WLS: variants seen among roughly 807,000 people sequenced by gnomAD.
The protein encoded by WLS is protein wntless homolog.
WLS carries 23 observed loss-of-function variants against 62.8 expected under a neutral mutation model. That is an observed-to-expected ratio of 0.37 (90% confidence interval 0.26 to 0.52). The LOEUF (loss-of-function observed/expected upper bound fraction) is 0.52, where lower values mean the gene tolerates loss of function less well. Ranked by LOEUF, WLS falls within the 20% of genes least tolerant of loss-of-function variation. The pLI is 0.92. For synonymous variants in WLS, 246 were observed against 244.1 expected, an observed-to-expected ratio of 1.01 and a Z score of -0.07; for missense variants, 615 against 697.3, an observed-to-expected ratio of 0.88 and a Z score of 1.33.
At chr1:68,118,264 A>T (rs1646319532) in intron 11 of WLS, among the ~76,000 whole-genome samples, 1 of 152,246 alleles carries the variant, frequency 6.6e-6, no homozygotes, top group African/African-American at 2.4e-5. Flanking sequence ...ATATCAAGTC[A>T]TAGGAACATG....
chr1:68,167,674 T>C (rs1647080676), intron 2 of WLS, among the ~76,000 whole-genome samples: 1 of 152,156 alleles, frequency 6.6e-6, no homozygotes, highest in Admixed American at 6.5e-5. Flanking sequence ...TCCATGGTTT[T>C]CCATACCTAT....
Position 68,146,025 on chromosome 1 carries a change from A to C in WLS, c.1135-13T>G. The C allele has an allele frequency of 6.2e-7, 1 of 1,613,372 alleles. No homozygotes were observed. The highest frequency in any genetic ancestry group is 8.5e-7 in the Non-Finnish European group (1 of 1,179,530). Reference sequence around the variant, plus strand: ...TGATGAAGGCCATCTGGTCGTGTCCAGTAAAGGAAACAACGGGCTAGCCAA... The same window carrying C: ...TGATGAAGGCCATCTGGTCGTGTCCCGTAAAGGAAACAACGGGCTAGCCAA... On this transcript the variant is annotated splice_polypyrimidine_tract_variant and intron_variant, in intron 8 of 11. Coordinates refer to ENST00000262348, the MANE Select transcript of WLS (RefSeq NM_024911.7).
At chr1:68,161,830 G>C (rs78001011) in intron 2 of WLS, 3 of 1,604,970 alleles carry the variant, frequency 1.9e-6, no homozygotes, top group Non-Finnish European at 2.6e-6. Flanking sequence ...GGAAGGATGT[G>C]CCACTGTTGG....
intron 2 of WLS, among the ~76,000 whole-genome samples, chr1:68,159,689 T>G (rs899836368): frequency 2.0e-5 from 3 of 152,166 alleles, no homozygotes; most frequent in South Asian, 4.1e-4. Context: ...CATGACCAAG[T>G]TTTTCAACCA....
chr1:68,188,932 A>C (rs1036137426), intron 2 of WLS, among the ~76,000 whole-genome samples: 5 of 152,258 alleles, frequency 3.3e-5, no homozygotes, highest in Admixed American at 2.0e-4. Context: ...ATGATAAATT[A>C]AAGCTAAAAG....
At chr1:68,161,849 G>A in intron 2 of WLS, 2 of 1,606,518 alleles carry the variant, frequency 1.2e-6, no homozygotes, top group East Asian at 4.5e-5. Flanking sequence ...GGGAGGTTGT[G>A]AGTCACTGGG....
At chr1:68,155,359 T>C (rs1646882180) in intron 3 of WLS, 99 bp from the exon 4 acceptor site, 6 of 1,390,276 alleles carry the variant, frequency 4.3e-6, no homozygotes, top group Non-Finnish European at 5.8e-6. Flanking sequence ...TGTAAGCAGC[T>C]AATGCTTAAA....
chr1:68,125,298 A>AT (rs1646412604), downstream of WLS: 2 of 982,460 alleles, frequency 2.0e-6, no homozygotes, highest in Non-Finnish European at 1.2e-6. Context: ...TCAGAAACCT[A>AT]TTTCCCCCAT....
At chr1:68,205,642 A>AT (rs1372931405) in intron 1 of WLS, among the ~76,000 whole-genome samples, 1 of 152,220 alleles carries the variant, frequency 6.6e-6, no homozygotes, top group Non-Finnish European at 1.5e-5. Context: ...ATGTTTGAAG[A>AT]TTTTATGACA....
chr1:68,205,264 CA>C lies in WLS; in HGVS notation c.107-11038del, dbSNP rs1436233643. On this transcript the variant is annotated intron_variant, in intron 1 of 11. Coordinates refer to ENST00000262348, the MANE Select transcript of WLS (RefSeq NM_024911.7). ...TATGACGGTTCTTCCAGATCCGTGT[CA>C]AGCAATATATTAAATGAAATACTGA... Among the ~76,000 whole-genome samples the C allele has an allele frequency of 2.6e-5, 4 of 152,248 alleles. No homozygotes were observed. The East Asian group carries it at 7.7e-4, about 29-fold the overall frequency.
intron 2 of WLS, among the ~76,000 whole-genome samples, chr1:68,185,243 C>A (rs939015575): frequency 6.6e-6 from 1 of 152,208 alleles, no homozygotes; most frequent in East Asian, 1.9e-4. Flanking sequence ...GTTATAAATA[C>A]GCGTTCCCAT....
chr1:68,211,590 T>A (rs1481478283), intron 1 of WLS, among the ~76,000 whole-genome samples: 1 of 152,188 alleles, frequency 6.6e-6, no homozygotes, highest in African/African-American at 2.4e-5. Context: ...TTGCCCAAGG[T>A]CGTTCAGTAA....
At chr1:68,163,131 C>G in intron 2 of WLS, 2 of 1,391,116 alleles carry the variant, frequency 1.4e-6, no homozygotes, top group Non-Finnish European at 2.0e-6. Flanking sequence ...AAAGGCAAAG[C>G]AGTCCTCTAA....
chr1:68,132,890 A>C (rs1646547771), intron 11 of WLS, among the ~76,000 whole-genome samples: 1 of 152,214 alleles, frequency 6.6e-6, no homozygotes, highest in Non-Finnish European at 1.5e-5. Context: ...TCATGTGTGC[A>C]GGGCTTTGCT....
chr1:68,169,964 G>A (rs1274965938), intron 2 of WLS, among the ~76,000 whole-genome samples: 1 of 152,086 alleles, frequency 6.6e-6, no homozygotes, highest in Non-Finnish European at 1.5e-5. Flanking sequence ...GACAGGCTGG[G>A]ACCACAGCCC....
intron 11 of WLS, among the ~76,000 whole-genome samples, chr1:68,110,534 G>A (rs1027361984): frequency 6.6e-6 from 1 of 152,000 alleles, no homozygotes; most frequent in Non-Finnish European, 1.5e-5. Context: ...ACAGGATGAA[G>A]GAATGTGCTT....
rs113060300 is a variant in WLS at position 68,189,785 on chromosome 1, G to T, written c.379+4170C>A. Among the ~76,000 whole-genome samples the T allele has an allele frequency of 6.9e-3, 1,048 of 152,322 alleles. 6 individuals are homozygous for T. The highest frequency in any genetic ancestry group is 0.034 in the Middle Eastern group (10 of 294). On this transcript the variant is annotated intron_variant, in intron 2 of 11. Transcript: ENST00000262348. ...GCAGTGGCTCACACCTGTAATCCCA[G>T]CACTTTGGGAGGCCGAGGTGGGTGG...
At chr1:68,143,661 G>A (rs1340960282) in intron 10 of WLS, among the ~76,000 whole-genome samples, 1 of 152,164 alleles carries the variant, frequency 6.6e-6, no homozygotes, top group Non-Finnish European at 1.5e-5. Context: ...TATGGCCTAG[G>A]TATGTAGTAA....
intron 11 of WLS, among the ~76,000 whole-genome samples, chr1:68,107,233 C>T (rs1248312790): frequency 6.6e-6 from 1 of 151,792 alleles, no homozygotes; most frequent in Non-Finnish European, 1.5e-5. Flanking sequence ...TTTTTAGTTG[C>T]TGCCTCATAC....
Sources: allele counts gnomAD v4.1 joint callset (sites outside exome capture counted in the v4.1 genomes callset), GRCh38; gene constraint gnomAD v4.1.1; transcripts MANE v1.5; gene names NCBI Gene and HGNC (gene_info 2026-07-23, HGNC 2026-07-21).